Variants in PKIB observed in about 807,000 individuals in gnomAD.
PKIB encodes PKI-beta.
A neutral mutation model predicts 4.5 loss-of-function variants in PKIB; 2 were observed. The observed-to-expected ratio is 0.44, with a 90% CI of 0.18 to 1.39. The LOEUF (loss-of-function observed/expected upper bound fraction) is 1.39, where lower values mean the gene tolerates loss of function less well. PKIB is among the 40% of genes most tolerant of loss of function. The pLI is 0.27. For missense variants in PKIB, 94 were observed against 92.6 expected, an observed-to-expected ratio of 1.02 and a Z score of -0.06; for synonymous variants, 38 against 36.0, an observed-to-expected ratio of 1.06 and a Z score of -0.20.
chr6:122,628,608 A>T (rs928294748), intron 1 of PKIB, among the ~76,000 whole-genome samples: 4 of 152,236 alleles, frequency 2.6e-5, no homozygotes, highest in Non-Finnish European at 4.4e-5. Context: ...ATTAATAGCT[A>T]GTATAAATGT....
chr6:122,617,360 G>A (rs568477199), intron 1 of PKIB, among the ~76,000 whole-genome samples: 20 of 152,244 alleles, frequency 1.3e-4, no homozygotes, highest in South Asian at 1.0e-3. Flanking sequence ...TTTCTGGCAC[G>A]GTAGATCTGG....
chr6:122,693,502 G>A (rs1461210031), intron 3 of PKIB, among the ~76,000 whole-genome samples: 1 of 152,150 alleles, frequency 6.6e-6, no homozygotes, highest in African/African-American at 2.4e-5. Context: ...GATCTGATGT[G>A]GAATGAACAA....
At chr6:122,723,215 T>C (rs1582849665) in intron 4 of PKIB, among the ~76,000 whole-genome samples, 1 of 152,176 alleles carries the variant, frequency 6.6e-6, no homozygotes, top group African/African-American at 2.4e-5. Flanking sequence ...GGGATAATGA[T>C]TGTGCTTTTG....
intron 2 of PKIB, among the ~76,000 whole-genome samples, chr6:122,585,007 T>C (rs577230290): frequency 7.4e-4 from 112 of 152,236 alleles, no homozygotes; most frequent in African/African-American, 2.5e-3. Flanking sequence ...TTACCACTCT[T>C]TTTCTAGAAA....
At chr6:122,523,709 G>A (rs1001626598) in intron 2 of PKIB, among the ~76,000 whole-genome samples, 2 of 151,922 alleles carry the variant, frequency 1.3e-5, no homozygotes, top group African/African-American at 2.4e-5. Context: ...CTTGAACTTG[G>A]GAGATGAAGG....
At chr6:122,499,066 A>G (rs1189805530) in intron 2 of PKIB, among the ~76,000 whole-genome samples, 2 of 152,226 alleles carry the variant, frequency 1.3e-5, no homozygotes, top group Admixed American at 6.5e-5. Flanking sequence ...CTGAATCAGT[A>G]ATTTAAAAAC....
At chr6:122,586,062 A>AATAT (rs1582715307) in intron 3 of PKIB, 1 of 152,120 alleles carries the variant, frequency 6.6e-6, no homozygotes, top group East Asian at 1.9e-4. Context: ...CCTAGCAGCT[A>AATAT]ATAGAATGCC....
intron 2 of PKIB, among the ~76,000 whole-genome samples, chr6:122,655,962 A>C (rs902726345): frequency 6.6e-6 from 1 of 152,110 alleles, no homozygotes; most frequent in African/African-American, 2.4e-5. Context: ...AATTGTAAAA[A>C]TTGAGCTCAA....
intron 2 of PKIB, among the ~76,000 whole-genome samples, chr6:122,569,922 G>C (rs1457814312): frequency 6.6e-6 from 1 of 152,160 alleles, no homozygotes; most frequent in Non-Finnish European, 1.5e-5. Context: ...TCCCAACAGG[G>C]AGGCAACCTC....
intron 2 of PKIB, among the ~76,000 whole-genome samples, chr6:122,506,909 G>A (rs1334406972): frequency 1.3e-5 from 2 of 151,638 alleles, no homozygotes; most frequent in Non-Finnish European, 1.5e-5. Context: ...CACCGTGTTA[G>A]CCAGGATGGT....
At chr6:122,707,710 G>T (rs1463761229) in intron 3 of PKIB, among the ~76,000 whole-genome samples, 1 of 152,112 alleles carries the variant, frequency 6.6e-6, no homozygotes, top group Non-Finnish European at 1.5e-5. Context: ...ATTTGAGAAA[G>T]ATTGCATTTT....
At chr6:122,551,464 A>G (rs1432626767) in intron 2 of PKIB, among the ~76,000 whole-genome samples, 2 of 151,890 alleles carry the variant, frequency 1.3e-5, no homozygotes. Flanking sequence ...TTTTGGTTTC[A>G]TAGATGCAGT....
intron 3 of PKIB, among the ~76,000 whole-genome samples, chr6:122,711,409 G>A (rs1460869021): frequency 3.9e-5 from 6 of 152,166 alleles, no homozygotes; most frequent in African/African-American, 1.2e-4. Flanking sequence ...TCACTTAAGT[G>A]TCTGGATCTG....
intron 2 of PKIB, among the ~76,000 whole-genome samples, chr6:122,542,872 C>T (rs540338741): frequency 1.3e-5 from 2 of 152,130 alleles, no homozygotes; most frequent in Non-Finnish European, 2.9e-5. Flanking sequence ...CCACCCAATT[C>T]GAGCTTCCTG....
intron 2 of PKIB, among the ~76,000 whole-genome samples, chr6:122,506,783 T>A (rs2114571132): frequency 7.0e-6 from 1 of 142,972 alleles, no homozygotes; most frequent in East Asian, 2.2e-4. Context: ...CACTGCAAGC[T>A]CCGCCTCCCG....
Position 122,561,999 on chromosome 6 carries a change from TTTTTG to T in PKIB, c.-247-23917_-247-23913del, listed in dbSNP as rs1399575134. The stretch of plus-strand genomic sequence containing the variant: ...GTTTTTTTTTGTTTGTTTTTGTTTT[TTTTTG>T]TTTTTTTTTTTTTTTGCTTTTTAAC... On this transcript the variant is annotated intron_variant, in intron 2 of 6. Transcript: ENST00000392491. Among the ~76,000 whole-genome samples the T allele has an allele frequency of 1.9e-4, 25 of 131,766 alleles. 1 individual carries two copies. The highest frequency in any genetic ancestry group is 7.7e-4 in the African/African-American group (23 of 29,952). The allele number at this position is 131,766 out of a possible 152,430, so 86.4% of individuals were successfully genotyped here. A position where few individuals can be genotyped will look rare whatever the true frequency, so the allele number is the denominator to read the frequency against.
chr6:122,490,502 C>G (rs1775908913), intron 2 of PKIB, among the ~76,000 whole-genome samples: 1 of 151,844 alleles, frequency 6.6e-6, no homozygotes, highest in African/African-American at 2.4e-5. Flanking sequence ...AGAAAGGTCC[C>G]TCATGAGTGG....
At chr6:122,608,825 A>G (rs745698618), upstream of PKIB, among the ~76,000 whole-genome samples, 26 of 152,348 alleles carry the variant, frequency 1.7e-4, 1 homozygote, top group Middle Eastern at 0.01. Flanking sequence ...ATTTTCAAGT[A>G]TAGGAAATAC....
intron 1 of PKIB, among the ~76,000 whole-genome samples, chr6:122,623,497 C>T (rs988805672): frequency 6.6e-6 from 1 of 152,136 alleles, no homozygotes. Flanking sequence ...CCAGCTCTTT[C>T]CCTCCCACCA....
Sources: allele counts gnomAD v4.1 joint callset (sites outside exome capture counted in the v4.1 genomes callset), GRCh38; gene constraint gnomAD v4.1.1; transcripts MANE v1.5; gene names NCBI Gene and HGNC (gene_info 2026-07-23, HGNC 2026-07-21).